The following FAT4 variants were observed in gnomAD, a reference collection of about 807,000 sequenced individuals.
The protein encoded by FAT4 is FAT atypical cadherin 4.
FAT4 carries 84 observed loss-of-function variants against 303.9 expected under a neutral mutation model. The ratio of observed to expected loss-of-function variants is 0.28; its 90% CI spans 0.23 to 0.33. FAT4 has a LOEUF of 0.33. Among genes scored for constraint, FAT4 ranks in the 10% least tolerant of loss-of-function variants. The probability of loss-of-function intolerance (pLI) is 1.00; values close to 1 mark genes in which losing one functional copy is unlikely to be tolerated. For missense variants in FAT4, 6,005 were observed against 6,146.8 expected, an observed-to-expected ratio of 0.98 and a Z score of 0.77; for synonymous variants, 2,307 against 2,298.8, an observed-to-expected ratio of 1.00 and a Z score of -0.10.
chr4:125,385,022 ATAT>A (rs1407071409), intron 2 of FAT4, among the ~76,000 whole-genome samples: 11,213 of 79,226 alleles, frequency 0.14, 376 homozygotes, highest in Non-Finnish European at 0.18. Flanking sequence ...ATATATATAT[ATAT>A]TTTTTTTTTT....
At position 125,328,805 on chromosome 4, in the gene FAT4, G is replaced by A. The variant is rs534583777; in HGVS notation, c.5175+7219G>A. Among the ~76,000 whole-genome samples the A allele has an allele frequency of 3.9e-5, 6 of 152,260 alleles. No individual in the cohort carries two copies. The South Asian group carries it at 1.2e-3, about 32-fold the overall frequency. On this transcript the variant is annotated intron_variant, in intron 2 of 17. Transcript: ENST00000394329. ...TTGCTTATGGAGTTGGTTTATGGTG[G>A]AAGCAGGATTTAAACCCAGCAGTCT...
intron 8 of FAT4, 36 bp from the exon 9 acceptor site, chr4:125,446,257 T>C: frequency 5.7e-6 from 9 of 1,582,692 alleles, no homozygotes; most frequent in Non-Finnish European, 7.8e-6. Context: ...ATATTAAAAC[T>C]ATATGACATA....
intron 2 of FAT4, among the ~76,000 whole-genome samples, chr4:125,333,669 T>A (rs1432736098): frequency 6.6e-6 from 1 of 152,166 alleles, no homozygotes; most frequent in African/African-American, 2.4e-5. Flanking sequence ...AAGGAGACTT[T>A]ATTTTAAGCT....
intron 5 of FAT4, among the ~76,000 whole-genome samples, chr4:125,413,823 T>G (rs1466022770): frequency 6.6e-6 from 1 of 152,018 alleles, no homozygotes; most frequent in Non-Finnish European, 1.5e-5. Flanking sequence ...ACATCACTTC[T>G]CATAGGTAGA....
At chr4:125,427,685 C>T (rs1421724087) in intron 7 of FAT4, among the ~76,000 whole-genome samples, 1 of 151,988 alleles carries the variant, frequency 6.6e-6, no homozygotes, top group African/African-American at 2.4e-5. Context: ...AATGAGTTTA[C>T]TTCATGGGGA....
intron 7 of FAT4, among the ~76,000 whole-genome samples, chr4:125,426,930 TTTCTAA>T (rs1725106244): frequency 6.6e-6 from 1 of 151,940 alleles, no homozygotes; most frequent in Admixed American, 6.6e-5. Context: ...TCAAAAAAGT[TTTCTAA>T]TTCTATCTTT....
At position 125,452,783 on chromosome 4, in the gene FAT4, A is replaced by C. The variant is rs1418041327; in HGVS notation, c.11773A>C (p.Asn3925His). Residue 3925 changes from asparagine (N) to histidine (H), a missense_variant, in exon 10 of 18, where the codon AAC becomes CAC. Transcript: ENST00000394329. The part of the protein sequence containing the change: ...AICQNFPGSF[N>H]CVCKTGYTGK... The stretch of plus-strand genomic sequence containing the variant: ...CTGCCAGAATTTTCCAGGAAGCTTC[A>C]ACTGTGTTTGCAAAACTGGATACAC... The C allele has an allele frequency of 1.2e-5, 20 of 1,612,932 alleles. No individual in the cohort carries two copies. Among genetic ancestry groups the C allele is most frequent in the Non-Finnish European group, 1.6e-5 (19 of 1,179,464 alleles).
At chr4:125,397,971 A>T (rs1188259965) in intron 2 of FAT4, among the ~76,000 whole-genome samples, 3 of 152,122 alleles carry the variant, frequency 2.0e-5, no homozygotes, top group African/African-American at 7.2e-5. Flanking sequence ...AGCTGGGAAG[A>T]TTTCAGTTTT....
Position 125,414,967 on chromosome 4 carries a change from G to A in FAT4, c.6004G>A (p.Val2002Ile), listed in dbSNP as rs1734985969. The A allele has an allele frequency of 1.2e-6, 2 of 1,613,844 alleles. No homozygotes were observed. The highest frequency in any genetic ancestry group is 2.2e-5 in the South Asian group (2 of 91,088). The change falls in exon 6 of 18, where the codon GTC becomes ATC. Residue 2002 changes from valine (V) to isoleucine (I), a missense_variant. Coordinates refer to ENST00000394329, the MANE Select transcript of FAT4 (RefSeq NM_001291303.3). The part of the protein sequence containing the change: ...FTVDKNGVLK[V>I]LKALDRESQS... The stretch of plus-strand genomic sequence containing the variant: ...TGTTGACAAGAATGGTGTACTCAAA[G>A]TCCTAAAAGCTTTGGATCGGGAAAG...
chr4:125,397,192 T>G (rs1734220624), intron 2 of FAT4, among the ~76,000 whole-genome samples: 1 of 152,058 alleles, frequency 6.6e-6, no homozygotes, highest in Non-Finnish European at 1.5e-5. Flanking sequence ...CCAGAAACTG[T>G]GTTAAGCATT....
chr4:125,443,100 A>G (rs931086438), intron 8 of FAT4, among the ~76,000 whole-genome samples: 27 of 152,146 alleles, frequency 1.8e-4, no homozygotes, highest in Non-Finnish European at 3.1e-4. Context: ...CTAAATGATC[A>G]TATTCTCCCA....
intron 17 of FAT4, 146 bp from the exon 18 acceptor site, chr4:125,489,755 T>G: frequency 1.6e-6 from 1 of 611,134 alleles, no homozygotes; most frequent in Non-Finnish European, 2.7e-6. Context: ...AGCTGGATGA[T>G]GGTTCTGAGA....
chr4:125,470,011 T>C (rs1383796811), intron 12 of FAT4, among the ~76,000 whole-genome samples: 1 of 152,210 alleles, frequency 6.6e-6, no homozygotes. Context: ...AAGTGACTCT[T>C]TGATCCATAG....
At chr4:125,357,587 C>T (rs377012395) in intron 2 of FAT4, among the ~76,000 whole-genome samples, 1 of 152,108 alleles carries the variant, frequency 6.6e-6, no homozygotes, top group East Asian at 1.9e-4. Flanking sequence ...CATACAAATA[C>T]AAGAGATGTT....
At chr4:125,385,649 G>A (rs867040662) in intron 2 of FAT4, among the ~76,000 whole-genome samples, 5 of 151,974 alleles carry the variant, frequency 3.3e-5, no homozygotes, top group African/African-American at 9.7e-5. Context: ...TCATCAAACC[G>A]TATTATTTCA....
At chr4:125,454,704 G>T (rs140311554) in intron 10 of FAT4, among the ~76,000 whole-genome samples, 1 of 152,156 alleles carries the variant, frequency 6.6e-6, no homozygotes, top group African/African-American at 2.4e-5. Context: ...GTGGTGGCAG[G>T]TGCCTGTAAT....
chr4:125,420,284 C>T (rs1043352826), intron 7 of FAT4, among the ~76,000 whole-genome samples: 2 of 152,098 alleles, frequency 1.3e-5, no homozygotes, highest in Non-Finnish European at 1.5e-5. Context: ...AGAAAGTAAA[C>T]TTCCTAAGTC....
rs1316026067 is a variant in FAT4, at chr4:125,434,260, C to T, written c.7034C>T (p.Thr2345Ile). The T allele has an allele frequency of 6.2e-7, 1 of 1,612,694 alleles. No homozygotes were observed. The highest frequency in any genetic ancestry group is 1.7e-5 in the Admixed American group (1 of 59,806). ...TATDSGSPAL[T>I]GTGTINVIVD... ...TTCTTTTTAGGATCCCCTGCCTTGACTGGAACTGGAACAATCAACGTCATA... is the reference window on the plus strand; with the variant it reads ...TTCTTTTTAGGATCCCCTGCCTTGATTGGAACTGGAACAATCAACGTCATA... The change falls in exon 8 of 18, where the codon ACT (threonine) becomes ATT (isoleucine). Residue 2345 changes from threonine (T) to isoleucine (I), a missense_variant. Physicochemically the swap from Thr to Ile is moderately conservative, Grantham distance 89. Coordinates refer to ENST00000394329, the MANE Select transcript of FAT4 (RefSeq NM_001291303.3).
intron 8 of FAT4, among the ~76,000 whole-genome samples, chr4:125,444,191 T>C (rs1462537999): frequency 6.6e-6 from 1 of 152,140 alleles, no homozygotes; most frequent in Non-Finnish European, 1.5e-5. Context: ...ACAGACTGGG[T>C]AATTTATAAA....
Sources: gnomAD v4.1 joint callset for allele counts (sites outside exome capture counted in the v4.1 genomes callset) on GRCh38, gnomAD v4.1.1 for gene constraint, MANE v1.5 for transcripts, NCBI Gene and HGNC (gene_info 2026-07-23, HGNC 2026-07-21) for gene names.